Variants in TERF1 observed in about 807,000 individuals in gnomAD.
TERF1 encodes telomeric repeat-binding factor 1.
A neutral mutation model predicts 55.1 loss-of-function variants in TERF1; 20 were observed. The ratio of observed to expected loss-of-function variants is 0.36; its 90% CI spans 0.26 to 0.53. The LOEUF (loss-of-function observed/expected upper bound fraction) is 0.53. Among genes scored for constraint, TERF1 ranks in the 20% least tolerant of loss-of-function variants. The pLI, the probability that TERF1 is intolerant of heterozygous loss-of-function variation, is 0.91. For missense variants in TERF1, 439 were observed against 535.7 expected, an observed-to-expected ratio of 0.82 and a Z score of 1.78; for synonymous variants, 168 against 181.2, an observed-to-expected ratio of 0.93 and a Z score of 0.59.
intron 2 of TERF1, among the ~76,000 whole-genome samples, chr8:73,014,468 T>A (rs543133120): frequency 2.2e-4 from 34 of 152,326 alleles, no homozygotes; most frequent in African/African-American, 7.7e-4. Flanking sequence ...AACCTTTTAT[T>A]TGAACTTGAT....
intron 9 of TERF1, among the ~76,000 whole-genome samples, chr8:73,044,273 A>ACAAAAG (rs1461325585): frequency 6.6e-6 from 1 of 152,188 alleles, no homozygotes; most frequent in East Asian, 1.9e-4. Flanking sequence ...CTGCAGACAA[A>ACAAAAG]CAAAAGCAAA....
At chr8:73,038,095 G>C (rs1330372196) in intron 8 of TERF1, among the ~76,000 whole-genome samples, 2 of 150,538 alleles carry the variant, frequency 1.3e-5, no homozygotes, top group African/African-American at 4.9e-5. Context: ...CTCATAACAT[G>C]TTTTATATAC....
At chr8:73,039,360 A>G (rs1345296330) in intron 9 of TERF1, 141 bp downstream of exon 9, 1 of 581,696 alleles carries the variant, frequency 1.7e-6, no homozygotes, top group East Asian at 3.0e-5. Context: ...TTGCCGTCTT[A>G]GATAGGTGAC....
chr8:73,021,619 A>G (rs1808756149), intron 3 of TERF1, among the ~76,000 whole-genome samples: 1 of 152,154 alleles, frequency 6.6e-6, no homozygotes, highest in Non-Finnish European at 1.5e-5. Context: ...AATAGGTACT[A>G]TTGTTTCCAC....
chr8:73,040,498 C>G (rs1262379091), intron 9 of TERF1, among the ~76,000 whole-genome samples: 1 of 152,130 alleles, frequency 6.6e-6, no homozygotes, highest in Non-Finnish European at 1.5e-5. Context: ...GAAATGCTAA[C>G]CTTATGCTAC....
At chr8:73,037,908 GATATAAT>G (rs1207837127) in intron 8 of TERF1, among the ~76,000 whole-genome samples, 186 of 102,342 alleles carry the variant, frequency 1.8e-3, no homozygotes, top group African/African-American at 5.6e-3. Context: ...ATATAAATAT[GATATAAT>G]ATATAATATA....
In TERF1 at chr8:73,008,938, G is replaced by A. The variant is rs748154619; in HGVS notation, c.52G>A (p.Gly18Ser). The change falls in exon 1 of 10, where the codon GGT (glycine) becomes AGT (serine). Residue 18 changes from glycine to serine, a missense_variant. This residue lies in a region of TERF1 where 179 missense variants were observed against 152.6 expected (regional missense o/e 1.17). Transcript: ENST00000276603. The stretch of plus-strand genomic sequence containing the variant: ...CCCGAGCCCGCGGGGCTGTGCGGAT[G>A]GTAGGGATGCCGACCCTACTGAGGA... ...AAPSPRGCADGRDADPTEEQM... is the reference protein window; with the variant it reads ...AAPSPRGCADSRDADPTEEQM... 12 of 1,612,882 alleles carry A rather than the reference G, an allele frequency of 7.4e-6. No homozygotes were observed. Among genetic ancestry groups the A allele is most frequent in the Middle Eastern group, 1.7e-4 (1 of 5,898 alleles).
intron 2 of TERF1, among the ~76,000 whole-genome samples, chr8:73,019,403 A>T (rs933155758): frequency 6.6e-6 from 1 of 152,136 alleles, no homozygotes; most frequent in Non-Finnish European, 1.5e-5. Context: ...AGAGTCCTCC[A>T]TTTTTTCCTC....
chr8:73,019,292 A>G (rs1434439349), intron 2 of TERF1, among the ~76,000 whole-genome samples: 2 of 152,200 alleles, frequency 1.3e-5, no homozygotes, highest in Non-Finnish European at 2.9e-5. Flanking sequence ...TACCTGGATA[A>G]TAGACTCTTG....
At chr8:73,028,804 C>T (rs1488778152) in intron 6 of TERF1, among the ~76,000 whole-genome samples, 1 of 152,122 alleles carries the variant, frequency 6.6e-6, no homozygotes, top group Non-Finnish European at 1.5e-5. Context: ...TCTGTGCTTT[C>T]ATAGCATACA....
Position 73,047,804 on chromosome 8 carries a change from A to G in TERF1, c.*1667A>G, listed in dbSNP as rs544220533. 6.6e-6 allele frequency: 1 copy of G among 152,160 alleles called. No homozygotes were observed. The highest frequency in any genetic ancestry group is 1.5e-5 in the Non-Finnish European group (1 of 68,028). 9.4% of individuals were successfully genotyped at this position (152,160 alleles called of 1,614,324 possible). A position where few individuals can be genotyped will look rare whatever the true frequency, so the allele number is the denominator to read the frequency against. On this transcript the variant is annotated 3_prime_UTR_variant, in exon 10 of 10. Coordinates refer to ENST00000276603, the MANE Select transcript of TERF1 (RefSeq NM_017489.3). ...CACAAGATACTGCACTATTTATTGG[A>G]GATATTTTGATGATTAGTGCCAAGG... is the stretch of plus-strand genomic sequence containing the variant.
chr8:73,015,738 G>A (rs1246444538), intron 2 of TERF1, among the ~76,000 whole-genome samples: 1 of 152,140 alleles, frequency 6.6e-6, no homozygotes, highest in African/African-American at 2.4e-5. Context: ...ACTGAGGTAG[G>A]ATCGTTTGAG....
At chr8:73,039,024 G>C in intron 8 of TERF1, 92 bp from the exon 9 acceptor site, 1 of 979,796 alleles carries the variant, frequency 1.0e-6, no homozygotes, top group South Asian at 1.9e-5. Flanking sequence ...GAATAGCTTA[G>C]AAAAGGAATT....
At chr8:73,010,808 C>A (rs1162937157) in intron 1 of TERF1, 1 of 152,166 alleles carries the variant, frequency 6.6e-6, no homozygotes, top group African/African-American at 2.4e-5. Context: ...GGAGACAGAA[C>A]AATAGATACA....
At chr8:73,029,235 C>T (rs1213468211) in intron 6 of TERF1, among the ~76,000 whole-genome samples, 1 of 152,162 alleles carries the variant, frequency 6.6e-6, no homozygotes, top group African/African-American at 2.4e-5. Context: ...TCTGATAAAG[C>T]TTATACAGTT....
chr8:73,030,193 C>T, intron 6 of TERF1, 143 bp from the exon 7 acceptor site: 1 of 496,320 alleles, frequency 2.0e-6, no homozygotes, highest in Non-Finnish European at 3.5e-6. Context: ...TTGTAATGGA[C>T]TGTATATGTC....
chr8:73,017,848 G>A (rs1006627028), intron 2 of TERF1, among the ~76,000 whole-genome samples: 8 of 152,074 alleles, frequency 5.3e-5, no homozygotes, highest in South Asian at 2.1e-4. Context: ...GACTACAGGC[G>A]TGCGCCACCA....
rs781308314 is a variant in TERF1, at chr8:73,026,930, G to A, written c.775-10G>A. On this transcript the variant is annotated splice_polypyrimidine_tract_variant and intron_variant, in intron 5 of 9. Transcript: ENST00000276603. ...TTCCTATCCTTCTACCTCCACGCACGTTTTTTAAGGCAGCGGCAAAAGTAG... is the reference window on the plus strand; with the variant it reads ...TTCCTATCCTTCTACCTCCACGCACATTTTTTAAGGCAGCGGCAAAAGTAG... The A allele has an allele frequency of 2.1e-5, 33 of 1,607,978 alleles. No individual in the cohort carries two copies. Among genetic ancestry groups the A allele is most frequent in the Admixed American group, 5.0e-5 (3 of 59,474 alleles).
chr8:73,025,582 G>A (rs763943776), intron 5 of TERF1, among the ~76,000 whole-genome samples: 10 of 151,620 alleles, frequency 6.6e-5, no homozygotes, highest in Admixed American at 1.3e-4. Flanking sequence ...GTGAAACCCC[G>A]TCTCTCCTAA....
Sources: gnomAD v4.1 joint callset for allele counts (sites outside exome capture counted in the v4.1 genomes callset) on GRCh38, gnomAD v4.1.1 for gene constraint, gnomAD v4.1.1 regional missense constraint, MANE v1.5 for transcripts, NCBI Gene and HGNC (gene_info 2026-07-23, HGNC 2026-07-21) for gene names.